Variants in CNTROB observed in about 807,000 individuals in gnomAD.
CNTROB encodes the protein centrobin.
CNTROB carries 82 observed loss-of-function variants against 115.7 expected under a neutral mutation model. The ratio of observed to expected loss-of-function variants is 0.71; its 90% CI spans 0.59 to 0.85. The LOEUF is 0.85. CNTROB is among the 40% of genes least tolerant of loss of function. The probability of loss-of-function intolerance (pLI) is 0.00; values close to 1 mark genes in which losing one functional copy is unlikely to be tolerated. For synonymous variants in CNTROB, 439 were observed against 456.4 expected (o/e 0.96, Z 0.49); for missense variants, 1,014 against 1,144.4 (o/e 0.89, Z 1.64).
rs146513998 is a variant in CNTROB at position 7,949,309 on chromosome 17, G to A, written c.2587-76G>A. 5,115 of 1,597,778 alleles carry A rather than the reference G, an allele frequency of 3.2e-3. 74 individuals carry two copies. Among genetic ancestry groups the A allele is most frequent in the East Asian group, 0.032 (1,425 of 44,606 alleles). On this transcript the variant is annotated intron_variant, in intron 18 of 18. Transcript: ENST00000563694. ...TGCAGACTCATCTGGCCCTCTCCACGTGCATTTCCTCAGTGGGGTGGGGAA... is the reference window on the plus strand; with the variant it reads ...TGCAGACTCATCTGGCCCTCTCCACATGCATTTCCTCAGTGGGGTGGGGAA...
chr17:7,940,814 C>T (rs1598085822), intron 9 of CNTROB, among the ~76,000 whole-genome samples: 1 of 152,320 alleles, frequency 6.6e-6, no homozygotes, highest in East Asian at 1.9e-4. Context: ...TAGTCGGACT[C>T]TTGCCATGGA....
Position 7,939,816 on chromosome 17 carries a change from A to T in CNTROB, c.1164+67A>T. 1 of 1,420,394 alleles carries T rather than the reference A, an allele frequency of 7.0e-7. No individual in the cohort carries two copies. Among genetic ancestry groups the T allele is most frequent in the African/African-American group, 1.4e-5 (1 of 71,102 alleles). 88.0% of individuals were successfully genotyped at this position (1,420,394 alleles called of 1,614,324 possible). A position where few individuals can be genotyped will look rare whatever the true frequency, so the allele number is the denominator to read the frequency against. On this transcript the variant is annotated intron_variant, in intron 8 of 18. Transcript: ENST00000563694. The surrounding 1 kb of genome is among the most constrained non-coding windows in gnomAD (Gnocchi z 4.4). ...ATGAAGGGCAAAATAATTGAATGGG[A>T]TGGAATGTTAGAATATGGGGGATAC...
rs768572784 is a variant in CNTROB at position 7,946,012 on chromosome 17, G to A, written c.1993+26G>A. 5 of 1,608,278 alleles carry A rather than the reference G, an allele frequency of 3.1e-6. No homozygotes were observed. The South Asian group carries it at 5.5e-5, about 18-fold the overall frequency. On this transcript the variant is annotated intron_variant, in intron 13 of 18. Coordinates refer to ENST00000563694, the MANE Select transcript of CNTROB (RefSeq NM_053051.5). ...GTAACTGGGGGCAGAAGTCACTGGG[G>A]TTCCCCTTCTGTGCATGAATTGGCT...
Position 7,936,727 on chromosome 17 carries a change from G to A in CNTROB, c.738G>A (p.Trp246Ter). ...DKTLARVVEG[W>*]NRHEAERTEV... ...CCCTGGCCCGTGTGGTGGAGGGCTG[G>A]AACCGGCATGAGGCTGAGCGGACAG... Residue 246 changes from tryptophan to a stop codon, truncating the protein, a stop_gained, in exon 6 of 19, where the codon TGG (tryptophan) becomes TGA (stop). Transcript: ENST00000563694. LOFTEE classifies it high-confidence loss of function. The A allele has an allele frequency of 6.5e-7, 1 of 1,530,858 alleles. No homozygotes were observed. The highest frequency in any genetic ancestry group is 2.2e-5 in the East Asian group (1 of 44,494). The allele number at this position is 1,530,858 out of a possible 1,614,324, so 94.8% of individuals were successfully genotyped here.
Position 7,932,841 on chromosome 17 carries a change from T to G in CNTROB, c.-239T>G. 1 of 558,738 alleles carries G rather than the reference T, an allele frequency of 1.8e-6. No homozygotes were observed. The highest frequency in any genetic ancestry group is 3.2e-6 in the Non-Finnish European group (1 of 314,924). 34.6% of individuals were successfully genotyped at this position (558,738 alleles called of 1,614,324 possible). On this transcript the variant is annotated 5_prime_UTR_variant, in exon 1 of 19. Coordinates refer to ENST00000563694, the MANE Select transcript of CNTROB (RefSeq NM_053051.5). The stretch of plus-strand genomic sequence containing the variant: ...GCACCCGCTCTGCGCTGCACCCTCT[T>G]AACGCTGTTCCCAGGAGCTGGGGAA...
chr17:7,937,321 G>A, intron 7 of CNTROB, 59 bp downstream of exon 7: 1 of 1,597,392 alleles, frequency 6.3e-7, no homozygotes, highest in Non-Finnish European at 8.6e-7. Flanking sequence ...CTAGAGAGCT[G>A]TGGGCTATTG....
intron 5 of CNTROB, 49 bp downstream of exon 5, chr17:7,936,531 G>A (rs768203911): frequency 3.6e-6 from 3 of 831,702 alleles, no homozygotes; most frequent in Non-Finnish European, 4.3e-6. Flanking sequence ...AGAGCATTAA[G>A]GAATAATAAA....
chr17:7,935,061 C>G lies in CNTROB; in HGVS notation c.510C>G (p.Thr170=), dbSNP rs112215583. 5.0e-5 allele frequency: 80 copies of G among 1,614,096 alleles called. No homozygotes were observed. Among genetic ancestry groups the G allele is most frequent in the Non-Finnish European group, 6.7e-5 (79 of 1,180,038 alleles). Residue 170 remains threonine, a synonymous_variant, in exon 4 of 19, where the codon ACC becomes ACG. Transcript: ENST00000563694. ...TGGAGGAGCTGTTTCCCCGCTACAC[C>G]AGCCTTCGGCCAGGGCCTCCACTCA... is the stretch of plus-strand genomic sequence containing the variant. The part of the protein sequence containing the change: ...QALEELFPRY[T]SLRPGPPLNP...
intron 8 of CNTROB, 61 bp from the exon 9 acceptor site, chr17:7,940,035 G>A: frequency 2.0e-6 from 3 of 1,504,810 alleles, no homozygotes; most frequent in Non-Finnish European, 1.8e-6. Context: ...GAACTGGGGA[G>A]TGTAGGTAAC....
rs764942452 is a variant in CNTROB, at chr17:7,943,451, C to T, written c.1372C>T (p.Arg458Trp). 9 of 1,613,772 alleles carry T rather than the reference C, an allele frequency of 5.6e-6. No individual in the cohort carries two copies. Among genetic ancestry groups the T allele is most frequent in the South Asian group, 3.3e-5 (3 of 91,066 alleles). ...ESELAVQLEQ[R>W]VTERLAQAQE... ...GGAGCTGGCTGTGCAGCTGGAGCAG[C>T]GGGTGACAGAGCGGCTGGCGCAGGC... is the stretch of plus-strand genomic sequence containing the variant. Residue 458 changes from arginine to tryptophan, a missense_variant, in exon 10 of 19, where the codon CGG (arginine) becomes TGG (tryptophan). Arg to Trp is a moderately radical substitution (Grantham distance 101, BLOSUM62 -3). Coordinates refer to ENST00000563694, the MANE Select transcript of CNTROB (RefSeq NM_053051.5). The surrounding 1 kb of genome is among the most constrained non-coding windows in gnomAD (Gnocchi z 4.7).
intron 4 of CNTROB, 68 bp downstream of exon 4, chr17:7,935,213 G>A: frequency 6.2e-7 from 1 of 1,604,802 alleles, no homozygotes; most frequent in Non-Finnish European, 8.5e-7. Context: ...TGTTGAAAAG[G>A]GCTGAGGGGG....
rs1351789606 is a variant in CNTROB, at chr17:7,933,295, C to G, written c.216C>G (p.Ala72=). The change falls in exon 1 of 19, where the codon GCC becomes GCG. Residue 72 remains alanine, a synonymous_variant. Coordinates refer to ENST00000563694, the MANE Select transcript of CNTROB (RefSeq NM_053051.5). ...SPPHEGLDGF[A]QELSRSLSVG... is the part of the protein sequence containing the mutation. ...CTCATGAAGGGTTAGACGGCTTCGC[C>G]CAAGAATTGAGTCGAAGCTTGTCAG... 6.2e-7 allele frequency: 1 copy of G among 1,614,050 alleles called. No individual in the cohort carries two copies. The highest frequency in any genetic ancestry group is 2.2e-5 in the East Asian group (1 of 44,892).
At position 7,940,023 on chromosome 17, in the gene CNTROB, A is replaced by G. The variant is rs149126189; in HGVS notation, c.1165-73A>G. The stretch of plus-strand genomic sequence containing the variant: ...AGCTTGGATTTTAGGGTTTGGGAGG[A>G]TGAACTGGGGAGTGTAGGTAACCAG... On this transcript the variant is annotated intron_variant, in intron 8 of 18. Transcript: ENST00000563694. The G allele has an allele frequency of 2.7e-6, 4 of 1,478,690 alleles. No individual in the cohort carries two copies. The African/African-American group carries it at 5.6e-5, about 21-fold the overall frequency. 91.6% of individuals were successfully genotyped at this position (1,478,690 alleles called of 1,614,324 possible). A position where few individuals can be genotyped will look rare whatever the true frequency, so the allele number is the denominator to read the frequency against.
At chr17:7,941,426 CCT>C (rs772332049) in intron 9 of CNTROB, among the ~76,000 whole-genome samples, 2 of 150,612 alleles carry the variant, frequency 1.3e-5, no homozygotes, top group Admixed American at 6.6e-5. Context: ...ATGGTGAAAC[CCT>C]GTCTCTACTA....
intron 12 of CNTROB, chr17:7,945,496 C>A: frequency 1.9e-6 from 1 of 514,524 alleles, no homozygotes; most frequent in Non-Finnish European, 3.4e-6. Flanking sequence ...GGACTACACA[C>A]ACGTGCCATT....
Position 7,936,823 on chromosome 17 carries a change from C to A in CNTROB, c.828+6C>A. 1 of 1,082,394 alleles carries A rather than the reference C, an allele frequency of 9.2e-7. No individual in the cohort carries two copies. Among genetic ancestry groups the A allele is most frequent in the African/African-American group, 1.5e-5 (1 of 64,982 alleles). 67.0% of individuals were successfully genotyped at this position (1,082,394 alleles called of 1,614,324 possible). On this transcript the variant is annotated splice_donor_region_variant and intron_variant, in intron 6 of 18. Coordinates refer to ENST00000563694, the MANE Select transcript of CNTROB (RefSeq NM_053051.5). ...CCAGAAGCAAGCAGCAGGAGGTGAG[C>A]GCCCTGGAGCATATGGCATTAGAAC... is the stretch of plus-strand genomic sequence containing the variant.
intron 4 of CNTROB, among the ~76,000 whole-genome samples, chr17:7,935,370 T>C (rs1973040110): frequency 6.6e-6 from 1 of 151,884 alleles, no homozygotes; most frequent in Non-Finnish European, 1.5e-5. Context: ...GGCATGGTGG[T>C]GGGTGCCTGT....
Position 7,938,057 on chromosome 17 carries a change from C to T in CNTROB, c.927+795C>T, listed in dbSNP as rs192428923. 5.2e-5 allele frequency among the ~76,000 whole-genome samples: 7 copies of T among 134,422 alleles called. No individual in the cohort carries two copies. In the East Asian group the frequency reaches 1.6e-3, roughly 32 times the overall value. 88.2% of individuals were successfully genotyped at this position (134,422 alleles called of 152,430 possible). A position where few individuals can be genotyped will look rare whatever the true frequency, so the allele number is the denominator to read the frequency against. On this transcript the variant is annotated intron_variant, in intron 7 of 18. Transcript: ENST00000563694. ...GCGCTCTGTTGTCCAGGCTGGAGTG[C>T]AGTGGCACAATCTCAGCTCACTGCA...
rs539433003 is a variant in CNTROB at position 7,935,625 on chromosome 17, G to A, written c.594+480G>A. 13 of 167,114 alleles carry A rather than the reference G, an allele frequency of 7.8e-5. No individual in the cohort carries two copies. The South Asian group carries it at 1.5e-3, about 20-fold the overall frequency. 10.4% of individuals were successfully genotyped at this position (167,114 alleles called of 1,614,324 possible). ...TAATATGGCACCACCTCCTTTCCAAGTAGTCAGATCGCCTTCTTATTTCTT... is the reference window on the plus strand; with the variant it reads ...TAATATGGCACCACCTCCTTTCCAAATAGTCAGATCGCCTTCTTATTTCTT... On this transcript the variant is annotated intron_variant, in intron 4 of 18. Transcript: ENST00000563694.
Sources: gnomAD v4.1 joint callset for allele counts (sites outside exome capture counted in the v4.1 genomes callset) on GRCh38, gnomAD v4.1.1 for gene constraint, Gnocchi (gnomAD v3.1) non-coding constraint, MANE v1.5 for transcripts, NCBI Gene and HGNC (gene_info 2026-07-23, HGNC 2026-07-21) for gene names.